ANXA4: variants seen among roughly 807,000 people sequenced by gnomAD.
The protein encoded by ANXA4 is 35-beta calcimedin.
A neutral mutation model predicts 49.8 loss-of-function variants in ANXA4; 39 were observed. The observed-to-expected ratio is 0.78, with a 90% CI of 0.61 to 1.02. The LOEUF (loss-of-function observed/expected upper bound fraction) is 1.02, where lower values mean the gene tolerates loss of function less well. ANXA4 is among the 50% of genes least tolerant of loss of function. The pLI, the probability that ANXA4 is intolerant of heterozygous loss-of-function variation, is 0.00. For synonymous variants in ANXA4, 134 were observed against 152.5 expected (o/e 0.88, Z 0.89); for missense variants, 360 against 410.1 (o/e 0.88, Z 1.05).
chr2:69,673,316 T>C (rs1677261180), intron 2 of ANXA4, among the ~76,000 whole-genome samples: 1 of 152,124 alleles, frequency 6.6e-6, no homozygotes. Context: ...CATGGAATAC[T>C]ATGCAGCCAT....
chr2:69,651,826 GGGGC>G (rs201244567), intron 1 of ANXA4, among the ~76,000 whole-genome samples: 1,878 of 47,380 alleles, frequency 0.04, 152 homozygotes, highest in African/African-American at 0.12. Flanking sequence ...TTGGGGGGGG[GGGGC>G]GGGGAGACAG....
chr2:69,791,703 C>T (rs1672698037), intron 3 of ANXA4, among the ~76,000 whole-genome samples: 1 of 151,948 alleles, frequency 6.6e-6, no homozygotes, highest in Non-Finnish European at 1.5e-5. Flanking sequence ...TTTATGAGTC[C>T]CATACATTTT....
chr2:69,662,862 A>T (rs532769125), intron 2 of ANXA4, among the ~76,000 whole-genome samples: 1 of 152,264 alleles, frequency 6.6e-6, no homozygotes, highest in South Asian at 2.1e-4. Flanking sequence ...ACAGTAAATA[A>T]TTTTTTACTA....
chr2:69,806,219 G>A (rs776389230), intron 4 of ANXA4, among the ~76,000 whole-genome samples, 166 bp from the exon 5 acceptor site: 2 of 152,212 alleles, frequency 1.3e-5, no homozygotes, highest in African/African-American at 2.4e-5. Flanking sequence ...GTGGAAGAAT[G>A]ACAGTGAAAA....
chr2:69,764,492 C>T (rs1201182115), intron 1 of ANXA4, among the ~76,000 whole-genome samples: 1 of 152,086 alleles, frequency 6.6e-6, no homozygotes, highest in Non-Finnish European at 1.5e-5. Context: ...TTAGAGTGGG[C>T]GTTGCTAAGT....
chr2:69,794,323 C>T (rs1385966061), intron 3 of ANXA4, among the ~76,000 whole-genome samples: 2 of 152,178 alleles, frequency 1.3e-5, no homozygotes, highest in Admixed American at 6.5e-5. Context: ...ACTGTAACTG[C>T]TTGGAGGCAG....
intron 2 of ANXA4, among the ~76,000 whole-genome samples, chr2:69,656,270 T>TATATACGTATATATATAC: frequency 7.5e-6 from 1 of 133,444 alleles, no homozygotes; most frequent in African/African-American, 2.8e-5. Context: ...TATATATATG[T>TATATACGTATATATATAC]ATATACGTAT....
In ANXA4 at chr2:69,825,472, A is replaced by C; in HGVS notation, c.923A>C (p.Asp308Ala). ...ATCGAACAGGGTGACACATCTGGAG[A>C]CTACAGGAAAGTACTGCTTGTTCTC... ...YSFIKGDTSGDYRKVLLVLCG... is the reference protein window; with the variant it reads ...YSFIKGDTSGAYRKVLLVLCG... Residue 308 changes from aspartate (D) to alanine (A), a missense_variant, in exon 13 of 13, where the codon GAC becomes GCC. Coordinates refer to ENST00000394295, the MANE Select transcript of ANXA4 (RefSeq NM_001153.5). 1 of 1,609,234 alleles carries C rather than the reference A, an allele frequency of 6.2e-7. No homozygotes were observed. Among genetic ancestry groups the C allele is most frequent in the Non-Finnish European group, 8.5e-7 (1 of 1,178,182 alleles).
intron 1 of ANXA4, among the ~76,000 whole-genome samples, chr2:69,746,448 T>C (rs1670617723): frequency 6.6e-6 from 1 of 152,222 alleles, no homozygotes; most frequent in Non-Finnish European, 1.5e-5. Context: ...AAGGTTTTTT[T>C]GTTTGTTTGT....
chr2:69,665,992 C>T (rs1209996817), intron 2 of ANXA4, among the ~76,000 whole-genome samples: 1 of 152,144 alleles, frequency 6.6e-6, no homozygotes, highest in East Asian at 1.9e-4. Context: ...ATCACAATGT[C>T]AGGAGTTCAA....
intron 4 of ANXA4, among the ~76,000 whole-genome samples, chr2:69,804,971 C>T (rs897242635): frequency 7.5e-6 from 1 of 133,638 alleles, no homozygotes; most frequent in African/African-American, 2.9e-5. Context: ...TTGCTTGAAC[C>T]AGGAGGTGGA....
At chr2:69,765,097 C>T (rs1671446311) in intron 1 of ANXA4, among the ~76,000 whole-genome samples, 1 of 152,154 alleles carries the variant, frequency 6.6e-6, no homozygotes, top group South Asian at 2.1e-4. Context: ...CACACACACA[C>T]ACCACATTGT....
chr2:69,776,539 C>T (rs1026602744), intron 1 of ANXA4, among the ~76,000 whole-genome samples: 2 of 149,530 alleles, frequency 1.3e-5, no homozygotes, highest in Admixed American at 6.7e-5. Flanking sequence ...GTTCCCACAT[C>T]AAGCATCAAG....
At chr2:69,685,609 T>C (rs565521608) in intron 2 of ANXA4, among the ~76,000 whole-genome samples, 75 of 152,304 alleles carry the variant, frequency 4.9e-4, no homozygotes, top group African/African-American at 1.8e-3. Flanking sequence ...AATACTTGAA[T>C]GGCAGAACGA....
intron 3 of ANXA4, among the ~76,000 whole-genome samples, chr2:69,722,017 T>TA (rs1669824559): frequency 6.6e-6 from 1 of 152,172 alleles, no homozygotes; most frequent in South Asian, 2.1e-4. Context: ...ATAATAATAT[T>TA]AGACTCTCCT....
At chr2:69,694,604 A>G (rs1340594482) in intron 2 of ANXA4, among the ~76,000 whole-genome samples, 1 of 137,658 alleles carries the variant, frequency 7.3e-6, no homozygotes, top group Non-Finnish European at 1.5e-5. Flanking sequence ...ATTCCCACCT[A>G]TGAGTGAGAA....
At chr2:69,644,910 G>A (rs184089943) in intron 1 of ANXA4, 1 of 152,234 alleles carries the variant, frequency 6.6e-6, no homozygotes, top group South Asian at 2.1e-4. Context: ...TGGAAGGTCA[G>A]TTGGTACACT....
intron 2 of ANXA4, among the ~76,000 whole-genome samples, chr2:69,698,643 G>A (rs116387388): frequency 0.015 from 2,354 of 152,232 alleles, 63 homozygotes; most frequent in African/African-American, 0.055. Flanking sequence ...GTGGGGCGGG[G>A]CAGGACTGTG....
At chr2:69,697,475 A>G (rs773297244) in intron 2 of ANXA4, among the ~76,000 whole-genome samples, 2 of 152,206 alleles carry the variant, frequency 1.3e-5, no homozygotes, top group Non-Finnish European at 1.5e-5. Context: ...CTTTCTTATC[A>G]TACTTGTGTT....
Sources: gnomAD v4.1 joint callset for allele counts (sites outside exome capture counted in the v4.1 genomes callset) on GRCh38, gnomAD v4.1.1 for gene constraint, MANE v1.5 for transcripts, NCBI Gene and HGNC (gene_info 2026-07-23, HGNC 2026-07-21) for gene names.